The following STX4 variants were observed in gnomAD, a reference collection of about 807,000 sequenced individuals.
The protein encoded by STX4 is syntaxin 4.
STX4 carries 24 observed loss-of-function variants against 41.8 expected under a neutral mutation model. The observed-to-expected ratio is 0.57, with a 90% CI of 0.42 to 0.81. The LOEUF (loss-of-function observed/expected upper bound fraction) is 0.81. Ranked by LOEUF, STX4 falls within the 30% of genes least tolerant of loss-of-function variation. STX4 has a pLI of 0.00. For missense variants in STX4, 316 were observed against 389.9 expected (o/e 0.81, Z 1.60); for synonymous variants, 158 against 156.4 (o/e 1.01, Z -0.08).
In STX4 at chr16:31,039,893, C is replaced by T; in HGVS notation, c.*16-19C>T. On this transcript the variant is annotated intron_variant, in intron 10 of 10. Coordinates refer to ENST00000313843, the MANE Select transcript of STX4 (RefSeq NM_004604.5). The surrounding 1 kb of genome is among the most constrained non-coding windows in gnomAD (Gnocchi z 4.1). ...CCTCCCTCCTCCCTCAGACCCTGTT[C>T]TCCCTCCTTTCCTTACAGGCACTAG... 1 of 1,454,198 alleles carries T rather than the reference C, an allele frequency of 6.9e-7. No individual in the cohort carries two copies. The highest frequency in any genetic ancestry group is 9.6e-7 in the Non-Finnish European group (1 of 1,041,648). The allele number at this position is 1,454,198 out of a possible 1,614,324, so 90.1% of individuals were successfully genotyped here.
chr16:31,035,411 G>T (rs1298733749), intron 5 of STX4, among the ~76,000 whole-genome samples: 1 of 152,050 alleles, frequency 6.6e-6, no homozygotes, highest in African/African-American at 2.4e-5. Context: ...AGTTTTAGTA[G>T]AGACTGGGCT....
intron 3 of STX4, 25 bp from the exon 4 acceptor site, chr16:31,034,437 G>A: frequency 1.3e-6 from 2 of 1,599,102 alleles, no homozygotes; most frequent in East Asian, 2.2e-5. Context: ...CTGCTGTTTG[G>A]GAGTCTTGGC....
intron 5 of STX4, among the ~76,000 whole-genome samples, chr16:31,037,554 G>A (rs947016611): frequency 2.0e-5 from 3 of 151,350 alleles, no homozygotes; most frequent in African/African-American, 7.3e-5. Context: ...CAGCTACTCG[G>A]GAGGCTGAGG....
intron 7 of STX4, 106 bp downstream of exon 7, chr16:31,038,296 C>A: frequency 6.8e-7 from 1 of 1,462,888 alleles, no homozygotes; most frequent in Non-Finnish European, 9.4e-7. Flanking sequence ...CTCAGCCTCC[C>A]GAGTAGCTGG....
Position 31,034,998 on chromosome 16 carries a change from T to C in STX4, c.336T>C (p.Asp112=), listed in dbSNP as rs1253269976. Residue 112 remains aspartate, a synonymous_variant, in exon 5 of 11, where the codon GAT becomes GAC. Coordinates refer to ENST00000313843, the MANE Select transcript of STX4 (RefSeq NM_004604.5). ...KAIEPQKEEA[D]ENYNSVNTRM... is the part of the protein sequence containing the mutation. Reference sequence around the variant, plus strand: ...TAGAGCCCCAGAAGGAGGAAGCTGATGAGAACTATAACTCCGTCAACACAA... The same window carrying C: ...TAGAGCCCCAGAAGGAGGAAGCTGACGAGAACTATAACTCCGTCAACACAA... The C allele has an allele frequency of 1.9e-6, 3 of 1,611,758 alleles. No homozygotes were observed. The highest frequency in any genetic ancestry group is 4.5e-5 in the East Asian group (2 of 44,784).
intron 7 of STX4, 37 bp from the exon 8 acceptor site, chr16:31,038,473 C>T: frequency 6.2e-7 from 1 of 1,612,846 alleles, no homozygotes; most frequent in Non-Finnish European, 8.5e-7. Flanking sequence ...TGTCGGTCTC[C>T]CTGTGAACAG....
At chr16:31,034,881 G>T (rs1040337790) in intron 4 of STX4, 89 bp from the exon 5 acceptor site, 6 of 1,203,604 alleles carry the variant, frequency 5.0e-6, no homozygotes, top group Non-Finnish European at 5.8e-6. Context: ...CCTCTTAGAG[G>T]CTCAGCCTTA....
At chr16:31,033,533 C>T, upstream of STX4, 2 of 1,549,566 alleles carry the variant, frequency 1.3e-6, no homozygotes, top group East Asian at 2.4e-5. The surrounding 1 kb of genome is among the most constrained non-coding windows in gnomAD (Gnocchi z 5.5). Context: ...GTGCGCATGC[C>T]CCGAATTTAT....
At position 31,038,471 on chromosome 16, in the gene STX4, T is replaced by G. The variant is rs1232090976; in HGVS notation, c.565-39T>G. The G allele has an allele frequency of 2.5e-6, 4 of 1,607,844 alleles. No homozygotes were observed. In the African/African-American group the frequency reaches 5.3e-5, roughly 21 times the overall value. Reference sequence around the variant, plus strand: ...AGGAGTTTCTGACCTGCTGTCGGTCTCCCTGTGAACAGTTGCCCCACTCCT... The same window carrying G: ...AGGAGTTTCTGACCTGCTGTCGGTCGCCCTGTGAACAGTTGCCCCACTCCT... On this transcript the variant is annotated intron_variant, in intron 7 of 10. Transcript: ENST00000313843.
At position 31,038,099 on chromosome 16, in the gene STX4, C is replaced by T. The variant is rs771521676; in HGVS notation, c.488-15C>T. ...AATCCCAACCCAACCCTGAGCCTGG[C>T]CTTTTCCTTCACAGCCAATGCTGGG... On this transcript the variant is annotated splice_polypyrimidine_tract_variant and intron_variant, in intron 6 of 10. Coordinates refer to ENST00000313843, the MANE Select transcript of STX4 (RefSeq NM_004604.5). 5 of 1,614,064 alleles carry T rather than the reference C, an allele frequency of 3.1e-6. No individual in the cohort carries two copies. The highest frequency in any genetic ancestry group is 4.2e-6 in the Non-Finnish European group (5 of 1,180,034).
intron 5 of STX4, 137 bp downstream of exon 5, chr16:31,035,177 CAGAG>C (rs1322009747): frequency 1.4e-5 from 9 of 634,058 alleles, no homozygotes; most frequent in Admixed American, 3.9e-5. Flanking sequence ...AAACTGAGCT[CAGAG>C]AGAGAAAGAA....
At chr16:31,033,426 A>G (rs2056769648), upstream of STX4, 1 of 1,468,940 alleles carries the variant, frequency 6.8e-7, no homozygotes, top group African/African-American at 1.4e-5. This position sits in a 1 kb window ranked among gnomAD's most constrained non-coding sequence, Gnocchi z 5.5. Context: ...CGGTGACGGT[A>G]GCAAGTTCTC....
rs191587609 is a variant in STX4 at position 31,039,785 on chromosome 16, C to T, written c.876C>T (p.Gly292=). The change falls in exon 10 of 11, where the codon GGC becomes GGT. Residue 292 remains glycine, a synonymous_variant. Coordinates refer to ENST00000313843, the MANE Select transcript of STX4 (RefSeq NM_004604.5). The surrounding 1 kb of genome is among the most constrained non-coding windows in gnomAD (Gnocchi z 4.1). ...TCGTCCTCCTAGCAGTCATCATTGG[C>T]GTCACAGTGGTTGGATAATGTCGCA... ...ITVVLLAVII[G]VTVVG 17 of 1,614,184 alleles carry T rather than the reference C, an allele frequency of 1.1e-5. No individual in the cohort carries two copies. The highest frequency in any genetic ancestry group is 1.0e-4 in the Admixed American group (6 of 60,008).
In STX4 at chr16:31,039,516, C is replaced by T; in HGVS notation, c.703-25C>T. 3 of 1,611,024 alleles carry T rather than the reference C, an allele frequency of 1.9e-6. No homozygotes were observed. Among genetic ancestry groups the T allele is most frequent in the Non-Finnish European group, 2.5e-6 (3 of 1,178,000 alleles). On this transcript the variant is annotated intron_variant, in intron 8 of 10. Transcript: ENST00000313843. The surrounding 1 kb of genome is among the most constrained non-coding windows in gnomAD (Gnocchi z 4.1). ...GGTGGGCAAAGGCATCCTTACCTCC[C>T]TGAACCACCCCATCCTCTGAGCAGG...
intron 8 of STX4, 58 bp downstream of exon 8, chr16:31,038,705 C>T: frequency 6.3e-7 from 1 of 1,593,492 alleles, no homozygotes; most frequent in Non-Finnish European, 8.6e-7. Context: ...CTGCCAGCCT[C>T]CCGCCACCCT....
At chr16:31,033,405 T>C, upstream of STX4, 1 of 1,338,204 alleles carries the variant, frequency 7.5e-7, no homozygotes, top group South Asian at 1.3e-5. The surrounding 1 kb of genome is among the most constrained non-coding windows in gnomAD (Gnocchi z 5.5). Context: ...CGTTGGAAGA[T>C]GCAACGGTTC....
intron 7 of STX4, 112 bp from the exon 8 acceptor site, chr16:31,038,398 T>A: frequency 4.1e-6 from 6 of 1,480,944 alleles, no homozygotes; most frequent in Non-Finnish European, 4.7e-6. Flanking sequence ...TTAGCCTGCC[T>A]GGAGTCACCC....
intron 5 of STX4, among the ~76,000 whole-genome samples, chr16:31,037,360 G>C (rs935619267): frequency 1.3e-5 from 2 of 150,710 alleles, no homozygotes; most frequent in East Asian, 4.1e-4. Flanking sequence ...CACCGTGCCC[G>C]GCCAACCCTG....
Position 31,034,096 on chromosome 16 carries a change from CGAG to C in STX4, c.118_120del (p.Glu40del), listed in dbSNP as rs772780560. 1.0e-4 allele frequency: 162 copies of C among 1,609,018 alleles called. No individual in the cohort carries two copies. The East Asian group carries it at 2.5e-3, about 25-fold the overall frequency. ...GCACGGCACGGCTGGGGAGCCCGGA[CGAG>C]GAGTTCTTCCACAAGGTAAGGGGCT... is the stretch of plus-strand genomic sequence containing the variant. On this transcript the variant is annotated inframe_deletion, in exon 2 of 11. Transcript: ENST00000313843.
Sources: gnomAD v4.1 joint callset for allele counts (sites outside exome capture counted in the v4.1 genomes callset) on GRCh38, gnomAD v4.1.1 for gene constraint, Gnocchi (gnomAD v3.1) non-coding constraint, MANE v1.5 for transcripts, NCBI Gene and HGNC (gene_info 2026-07-23, HGNC 2026-07-21) for gene names.